SAMHD1: variants seen among roughly 807,000 people sequenced by gnomAD.
SAMHD1 encodes the protein SAM and HD domain containing deoxynucleoside triphosphate triphosphohydrolase 1, also known as deoxynucleoside triphosphate triphosphohydrolase SAMHD1.
SAMHD1 carries 54 observed loss-of-function variants against 79.6 expected under a neutral mutation model. The ratio of observed to expected loss-of-function variants is 0.68; its 90% CI spans 0.55 to 0.85. The LOEUF is 0.85. SAMHD1 is among the 40% of genes least tolerant of loss of function. The pLI, the probability that SAMHD1 is intolerant of heterozygous loss-of-function variation, is 0.00. For synonymous variants in SAMHD1, 260 were observed against 264.1 expected, an observed-to-expected ratio of 0.98 and a Z score of 0.15; for missense variants, 663 against 782.7, an observed-to-expected ratio of 0.85 and a Z score of 1.82.
intron 11 of SAMHD1, among the ~76,000 whole-genome samples, chr20:36,908,029 C>T (rs1188450624): frequency 1.3e-5 from 2 of 151,896 alleles, no homozygotes; most frequent in African/African-American, 4.8e-5. Flanking sequence ...CACCCGCCAG[C>T]ACGCCCAGCT....
chr20:36,929,926 AT>A (rs1182835655), intron 5 of SAMHD1, among the ~76,000 whole-genome samples: 1 of 152,080 alleles, frequency 6.6e-6, no homozygotes, highest in Non-Finnish European at 1.5e-5. Flanking sequence ...TGGTGATTTT[AT>A]TTGATAAGAA....
chr20:36,893,134 AAAG>A, intron 15 of SAMHD1, 68 bp from the exon 16 acceptor site: 1 of 1,589,096 alleles, frequency 6.3e-7, no homozygotes, highest in Non-Finnish European at 8.6e-7. Context: ...TTTCTGAGTG[AAAG>A]TCTCAAGTGC....
intron 9 of SAMHD1, among the ~76,000 whole-genome samples, chr20:36,916,319 G>A (rs369210541): frequency 2.6e-5 from 4 of 151,514 alleles, no homozygotes; most frequent in East Asian, 3.9e-4. Flanking sequence ...GAGTTGATCC[G>A]TCCAAAGCAC....
intron 6 of SAMHD1, among the ~76,000 whole-genome samples, chr20:36,921,717 T>TC (rs978007267): frequency 3.1e-4 from 46 of 149,524 alleles, no homozygotes; most frequent in Non-Finnish European, 6.1e-4. Context: ...TTTTTTTTTT[T>TC]CCCTCTTGTT....
chr20:36,906,849 T>C (rs531335714), intron 11 of SAMHD1, among the ~76,000 whole-genome samples: 80 of 151,940 alleles, frequency 5.3e-4, no homozygotes, highest in African/African-American at 1.9e-3. Flanking sequence ...TGGAGTGCGG[T>C]GGCGTGATCT....
chr20:36,917,089 C>G (rs754205707), intron 7 of SAMHD1, 40 bp from the exon 8 acceptor site: 45 of 1,280,510 alleles, frequency 3.5e-5, no homozygotes, highest in Admixed American at 1.0e-4. Flanking sequence ...TTAGGATAGG[C>G]ACCAAATCTA....
intron 15 of SAMHD1, chr20:36,893,324 C>G (rs113010000): frequency 7.4e-6 from 4 of 543,102 alleles, no homozygotes; most frequent in African/African-American, 1.9e-5. Context: ...CATACCACTG[C>G]CCACCTCTAT....
chr20:36,912,080 A>C, intron 10 of SAMHD1: 1 of 246,222 alleles, frequency 4.1e-6, no homozygotes. Flanking sequence ...CTTAAAGTTA[A>C]CTTTTGTCAT....
intron 15 of SAMHD1, among the ~76,000 whole-genome samples, chr20:36,896,774 GC>G (rs1990206228): frequency 6.6e-6 from 1 of 152,016 alleles, no homozygotes; most frequent in African/African-American, 2.4e-5. Context: ...GGCAGAGGTT[GC>G]AGTGAGCCAA....
At position 36,937,856 on chromosome 20, in the gene SAMHD1, G is replaced by GTT. The variant is rs761389071; in HGVS notation, c.349-2669_349-2668dup. On this transcript the variant is annotated intron_variant, in intron 3 of 15. Coordinates refer to ENST00000646673, the MANE Select transcript of SAMHD1 (RefSeq NM_015474.4). ...TTATAAATGAGGTTAAACAATGTTG[G>GTT]TTTGTTTTTTTTTTTTTTTGAGACA... is the stretch of plus-strand genomic sequence containing the variant. Among the ~76,000 whole-genome samples the GTT allele has an allele frequency of 4.0e-3, 479 of 119,136 alleles. 12 individuals carry two copies. The highest frequency in any genetic ancestry group is 0.015 in the African/African-American group (408 of 27,150). The allele number at this position is 119,136 out of a possible 152,430, so 78.2% of individuals were successfully genotyped here. A position where few individuals can be genotyped will look rare whatever the true frequency, so the allele number is the denominator to read the frequency against.
chr20:36,893,774 C>T (rs1601109292), intron 15 of SAMHD1: 2 of 396,738 alleles, frequency 5.0e-6, no homozygotes, highest in Non-Finnish European at 8.9e-6. Context: ...TGGGAGGATT[C>T]GTGCTCCTCA....
intron 11 of SAMHD1, among the ~76,000 whole-genome samples, chr20:36,907,196 A>G (rs936433747): frequency 2.6e-5 from 4 of 151,694 alleles, no homozygotes; most frequent in Non-Finnish European, 5.9e-5. Context: ...TGCTCAAGCA[A>G]TCCTCCTGCC....
rs542947370 is a variant in SAMHD1, at chr20:36,944,077, C to CAAAAAAAA, written c.275+2653_275+2660dup. ...TGAGTGACAGAGCAAGACTCCATCTCAAAAAAAAAAAAAAAAAAAAGAACT... is the reference window on the plus strand; with the variant it reads ...TGAGTGACAGAGCAAGACTCCATCTCAAAAAAAAAAAAAAAAAAAAAAAAAAAAGAACT... On this transcript the variant is annotated intron_variant, in intron 2 of 15. Transcript: ENST00000646673. 2.8e-4 allele frequency among the ~76,000 whole-genome samples: 25 copies of CAAAAAAAA among 89,988 alleles called. 1 individual carries two copies. The highest frequency in any genetic ancestry group is 8.3e-4 in the African/African-American group (20 of 24,190). The allele number at this position is 89,988 out of a possible 152,430, so 59.0% of individuals were successfully genotyped here. A position where few individuals can be genotyped will look rare whatever the true frequency, so the allele number is the denominator to read the frequency against.
chr20:36,926,335 G>A (rs947437219), intron 6 of SAMHD1, among the ~76,000 whole-genome samples: 1 of 152,260 alleles, frequency 6.6e-6, no homozygotes, highest in Admixed American at 6.5e-5. Flanking sequence ...CATAAAATAG[G>A]ACCTCCTATA....
rs769445220 is a variant in SAMHD1 at position 36,951,563 on chromosome 20, G to C, written c.81C>G (p.Ser27=). 3.7e-6 allele frequency: 6 copies of C among 1,614,216 alleles called. No homozygotes were observed. In the East Asian group the frequency reaches 1.1e-4, roughly 30 times the overall value. ...GGCCCGGGGACCAGTCTGCCTCTGC[G>C]GAAGGGGTGTTTGAGGGGGTTCTCG... ...DSPRTPSNTP[S]AEADWSPGLE... Residue 27 remains serine, a synonymous_variant, in exon 1 of 16, where the codon TCC becomes TCG. Transcript: ENST00000646673.
At chr20:36,942,953 G>A (rs1376278138) in intron 2 of SAMHD1, among the ~76,000 whole-genome samples, 1 of 152,132 alleles carries the variant, frequency 6.6e-6, no homozygotes, top group East Asian at 1.9e-4. Context: ...ACCACGCCTG[G>A]CCTGTTTCTT....
intron 2 of SAMHD1, among the ~76,000 whole-genome samples, chr20:36,943,496 T>A (rs2063662070): frequency 1.3e-5 from 2 of 151,904 alleles, no homozygotes; most frequent in South Asian, 4.1e-4. Flanking sequence ...CACAGAGACG[T>A]GCAATATAGT....
chr20:36,929,264 T>G (rs1568775902), intron 5 of SAMHD1, among the ~76,000 whole-genome samples: 1 of 152,084 alleles, frequency 6.6e-6, no homozygotes, highest in East Asian at 1.9e-4. Context: ...TGGTATTGGT[T>G]CTTTGTAAGT....
At chr20:36,939,114 C>T (rs540891630) in intron 3 of SAMHD1, among the ~76,000 whole-genome samples, 5 of 117,494 alleles carry the variant, frequency 4.3e-5, no homozygotes, top group South Asian at 2.7e-4. Context: ...ATTAACTGGG[C>T]GTGGTGGCAG....
Sources: allele counts gnomAD v4.1 joint callset (sites outside exome capture counted in the v4.1 genomes callset), GRCh38; gene constraint gnomAD v4.1.1; transcripts MANE v1.5; gene names NCBI Gene and HGNC (gene_info 2026-07-23, HGNC 2026-07-21).